SMYD3: variants seen among roughly 807,000 people sequenced by gnomAD.
SMYD3 encodes histone-lysine N-methyltransferase SMYD3.
SMYD3 carries 36 observed loss-of-function variants against 57.7 expected under a neutral mutation model. That is an observed-to-expected ratio of 0.62 (90% CI 0.48 to 0.82). The LOEUF (loss-of-function observed/expected upper bound fraction) is 0.82, where lower values mean the gene tolerates loss of function less well. Among genes scored for constraint, SMYD3 ranks in the 40% least tolerant of loss-of-function variants. The pLI, the probability that SMYD3 is intolerant of heterozygous loss-of-function variation, is 0.00. For missense variants in SMYD3, 515 were observed against 538.8 expected, an observed-to-expected ratio of 0.96 and a Z score of 0.44; for synonymous variants, 211 against 195.0, an observed-to-expected ratio of 1.08 and a Z score of -0.68.
At chr1:246,180,069 A>G (rs1253078656) in intron 5 of SMYD3, among the ~76,000 whole-genome samples, 1 of 151,890 alleles carries the variant, frequency 6.6e-6, no homozygotes, top group East Asian at 1.9e-4. Context: ...GCACTTTGGG[A>G]GGTCAAGGCA....
chr1:245,898,623 G>A (rs756198841), intron 8 of SMYD3, among the ~76,000 whole-genome samples: 22 of 152,280 alleles, frequency 1.4e-4, no homozygotes, highest in Middle Eastern at 3.4e-3. Context: ...GAAATTGAGA[G>A]CCCGGTGAAT....
In SMYD3 at chr1:245,785,499, A is replaced by C. The variant is rs147901207; in HGVS notation, c.1077-21350T>G. On this transcript the variant is annotated intron_variant, in intron 10 of 11. Transcript: ENST00000490107. ...CCGCTAGGTGCTCAAAAGGCCAAAG[A>C]AGCATTAATTTACACTCACTTGCCT... Among the ~76,000 whole-genome samples, 80 of 152,226 alleles carry C rather than the reference A, an allele frequency of 5.3e-4. No homozygotes were observed. In the East Asian group the frequency reaches 0.012, roughly 23 times the overall value.
intron 1 of SMYD3, among the ~76,000 whole-genome samples, chr1:246,401,523 G>A (rs764464834): frequency 6.6e-6 from 1 of 151,974 alleles, no homozygotes; most frequent in African/African-American, 2.4e-5. Flanking sequence ...AGTAGAGATA[G>A]GGTTTCACCA....
intron 5 of SMYD3, among the ~76,000 whole-genome samples, chr1:246,045,108 C>A (rs1166741314): frequency 6.6e-6 from 1 of 152,168 alleles, no homozygotes; most frequent in Non-Finnish European, 1.5e-5. Flanking sequence ...CAATGACTTT[C>A]TTCACAGAAT....
chr1:246,199,308 G>A (rs564545316), intron 5 of SMYD3, among the ~76,000 whole-genome samples: 2 of 152,164 alleles, frequency 1.3e-5, no homozygotes, highest in African/African-American at 4.8e-5. Context: ...TCACTGAGCT[G>A]AGCACACCCC....
intron 5 of SMYD3, among the ~76,000 whole-genome samples, chr1:246,099,508 C>A (rs2060974007): frequency 6.6e-6 from 1 of 152,066 alleles, no homozygotes; most frequent in Admixed American, 6.6e-5. Flanking sequence ...TGGGTTTGGT[C>A]CCAATGGGGC....
At chr1:245,824,389 T>C (rs1269186795) in intron 10 of SMYD3, among the ~76,000 whole-genome samples, 1 of 152,232 alleles carries the variant, frequency 6.6e-6, no homozygotes, top group Non-Finnish European at 1.5e-5. Flanking sequence ...GGCATTGTTT[T>C]CTCAACCAAG....
intron 5 of SMYD3, among the ~76,000 whole-genome samples, chr1:246,263,824 G>A (rs752571987): frequency 1.3e-5 from 2 of 152,102 alleles, no homozygotes; most frequent in Non-Finnish European, 2.9e-5. Context: ...AAGAAATTAC[G>A]TTAACCACTT....
intron 10 of SMYD3, among the ~76,000 whole-genome samples, chr1:245,828,358 T>C (rs547420752): frequency 6.6e-6 from 1 of 152,344 alleles, no homozygotes; most frequent in East Asian, 1.9e-4. Flanking sequence ...CTAGAAAATA[T>C]AGATTCACCT....
chr1:246,418,039 C>G (rs1268049820), intron 1 of SMYD3, among the ~76,000 whole-genome samples: 1 of 152,184 alleles, frequency 6.6e-6, no homozygotes, highest in East Asian at 1.9e-4. Flanking sequence ...TTTCAGTTCT[C>G]TGAGTCTCAT....
At chr1:246,349,958 G>T (rs2065796080) in intron 2 of SMYD3, among the ~76,000 whole-genome samples, 1 of 152,078 alleles carries the variant, frequency 6.6e-6, no homozygotes, top group South Asian at 2.1e-4. Context: ...TGATCTAAAT[G>T]CATCAATTAA....
chr1:246,146,353 T>C (rs1454198538), intron 5 of SMYD3, among the ~76,000 whole-genome samples: 2 of 152,086 alleles, frequency 1.3e-5, no homozygotes, highest in African/African-American at 4.8e-5. Flanking sequence ...TACAGAACTG[T>C]AAATGGACCA....
At chr1:246,429,396 G>C (rs1035694958) in intron 1 of SMYD3, among the ~76,000 whole-genome samples, 1 of 152,136 alleles carries the variant, frequency 6.6e-6, no homozygotes, top group East Asian at 1.9e-4. Context: ...GCACTGCCAA[G>C]TATCATCTTA....
At chr1:246,472,001 T>C (rs996030244) in intron 1 of SMYD3, among the ~76,000 whole-genome samples, 1 of 152,090 alleles carries the variant, frequency 6.6e-6, no homozygotes, top group Non-Finnish European at 1.5e-5. Flanking sequence ...AATAAGTCCA[T>C]TAAAAGCATG....
At chr1:246,261,303 C>T (rs1232226931) in intron 5 of SMYD3, among the ~76,000 whole-genome samples, 1 of 151,218 alleles carries the variant, frequency 6.6e-6, no homozygotes, top group East Asian at 1.9e-4. Context: ...AGGATCCACC[C>T]TCCTCAGCCT....
intron 5 of SMYD3, among the ~76,000 whole-genome samples, chr1:245,960,434 T>G (rs1426865197): frequency 6.6e-6 from 1 of 152,170 alleles, no homozygotes; most frequent in African/African-American, 2.4e-5. Flanking sequence ...ACTGATAGAT[T>G]GGTTCATTTC....
At chr1:245,903,535 T>C (rs1034892825) in intron 8 of SMYD3, among the ~76,000 whole-genome samples, 1 of 152,140 alleles carries the variant, frequency 6.6e-6, no homozygotes, top group African/African-American at 2.4e-5. Flanking sequence ...CAGATGAGCA[T>C]TCACAGTACT....
intron 10 of SMYD3, among the ~76,000 whole-genome samples, chr1:245,772,085 A>G (rs2046360820): frequency 6.6e-6 from 1 of 152,154 alleles, no homozygotes; most frequent in African/African-American, 2.4e-5. Context: ...CAAAAGAAAA[A>G]GAACTTGGGT....
chr1:245,897,414 A>C (rs1239544352), intron 8 of SMYD3, among the ~76,000 whole-genome samples: 1 of 152,246 alleles, frequency 6.6e-6, no homozygotes, highest in Admixed American at 6.5e-5. Flanking sequence ...TTAATAAAAA[A>C]TCAAAATAAG....
Sources: gnomAD v4.1 joint callset for allele counts (sites outside exome capture counted in the v4.1 genomes callset) on GRCh38, gnomAD v4.1.1 for gene constraint, MANE v1.5 for transcripts, NCBI Gene and HGNC (gene_info 2026-07-23, HGNC 2026-07-21) for gene names.